The following COBLL1 variants were observed in gnomAD, a reference collection of about 807,000 sequenced individuals.
COBLL1 encodes the protein cordon-bleu WH2 repeat protein like 1, also known as cordon-bleu protein-like 1.
A neutral mutation model predicts 94.8 loss-of-function variants in COBLL1; 50 were observed. The ratio of observed to expected loss-of-function variants is 0.53; its 90% CI spans 0.42 to 0.67. COBLL1 has a LOEUF of 0.67. Among genes scored for constraint, COBLL1 ranks in the 30% least tolerant of loss-of-function variants. COBLL1 has a pLI of 0.00. For missense variants in COBLL1, 1,362 were observed against 1,348.7 expected, an observed-to-expected ratio of 1.01 and a Z score of -0.15; for synonymous variants, 448 against 473.8, an observed-to-expected ratio of 0.95 and a Z score of 0.71.
chr2:164,815,849 A>G (rs748871911), intron 2 of COBLL1, among the ~76,000 whole-genome samples: 4 of 151,898 alleles, frequency 2.6e-5, no homozygotes, highest in South Asian at 2.1e-4. Flanking sequence ...GTTAGAAAAA[A>G]CACACAACTA....
chr2:164,806,551 A>G (rs1027647968), intron 2 of COBLL1, among the ~76,000 whole-genome samples: 1 of 152,136 alleles, frequency 6.6e-6, no homozygotes, highest in Non-Finnish European at 1.5e-5. Flanking sequence ...AACTATAAAG[A>G]GTGTGTAATG....
At chr2:164,755,604 G>C (rs1687359028) in intron 2 of COBLL1, among the ~76,000 whole-genome samples, 1 of 152,144 alleles carries the variant, frequency 6.6e-6, no homozygotes, top group African/African-American at 2.4e-5. Context: ...GTTAGCATGA[G>C]TAGATGAAGC....
intron 2 of COBLL1, among the ~76,000 whole-genome samples, chr2:164,768,659 T>C (rs1688054551): frequency 6.6e-6 from 1 of 152,172 alleles, no homozygotes; most frequent in African/African-American, 2.4e-5. Flanking sequence ...TCCTATCATA[T>C]ATCCCTTAGT....
In COBLL1 at chr2:164,749,770, C is replaced by A. The variant is rs529901943; in HGVS notation, c.42-5895G>T. ...ATAATGAAAATCGACAAGGAGAAACCCAAAACATTATATGACTCTCATATT... is the reference window on the plus strand; with the variant it reads ...ATAATGAAAATCGACAAGGAGAAACACAAAACATTATATGACTCTCATATT... On this transcript the variant is annotated intron_variant, in intron 2 of 13. Transcript: ENST00000652658. 1.8e-4 allele frequency among the ~76,000 whole-genome samples: 28 copies of A among 152,186 alleles called. No homozygotes were observed. The South Asian group carries it at 1.9e-3, about 10-fold the overall frequency.
At chr2:164,711,785 A>C (rs188459088) in intron 7 of COBLL1, among the ~76,000 whole-genome samples, 18 of 152,314 alleles carry the variant, frequency 1.2e-4, no homozygotes, top group African/African-American at 4.3e-4. Context: ...AAAATTTATT[A>C]AGTCTAAAGG....
intron 2 of COBLL1, among the ~76,000 whole-genome samples, chr2:164,762,275 AAGTG>A (rs1355259238): frequency 2.6e-5 from 4 of 152,292 alleles, no homozygotes; most frequent in Admixed American, 6.5e-5. Flanking sequence ...GCTAGAAAAA[AAGTG>A]AGTATCACTG....
At chr2:164,714,131 CTT>C (rs1685044930) in intron 7 of COBLL1, among the ~76,000 whole-genome samples, 2 of 147,524 alleles carry the variant, frequency 1.4e-5, no homozygotes, top group Non-Finnish European at 3.0e-5. Flanking sequence ...CTTTCCAGCC[CTT>C]GTCTAGGCAC....
intron 2 of COBLL1, among the ~76,000 whole-genome samples, chr2:164,830,085 T>A (rs3769921): frequency 0.21 from 32,385 of 152,146 alleles, 3,574 homozygotes; most frequent in Middle Eastern, 0.28. Flanking sequence ...TTCCTCAGTA[T>A]AAGTAGTAGT....
intron 2 of COBLL1, chr2:164,840,955 C>T (rs1683569533): frequency 4.9e-5 from 24 of 487,050 alleles, no homozygotes. Flanking sequence ...GGAAGGCAAC[C>T]AAAAACGACC....
chr2:164,663,935 TA>T (rs1227569886), intron 2 of COBLL1, among the ~76,000 whole-genome samples: 2 of 152,194 alleles, frequency 1.3e-5, no homozygotes, highest in African/African-American at 2.4e-5. Flanking sequence ...CCCTCTGATC[TA>T]AAATAAAATT....
At chr2:164,741,746 G>A (rs2105555408) in intron 3 of COBLL1, among the ~76,000 whole-genome samples, 1 of 152,096 alleles carries the variant, frequency 6.6e-6, no homozygotes, top group South Asian at 2.1e-4. Flanking sequence ...AGGGAGGGTG[G>A]GAAAAATCTA....
chr2:164,792,670 C>G (rs530857214), intron 2 of COBLL1, among the ~76,000 whole-genome samples: 45 of 152,274 alleles, frequency 3.0e-4, no homozygotes, highest in African/African-American at 1.1e-3. Flanking sequence ...ACGTAACGCA[C>G]AGTAAGCATT....
chr2:164,729,510 C>T (rs890851646), intron 4 of COBLL1, among the ~76,000 whole-genome samples: 1 of 150,640 alleles, frequency 6.6e-6, no homozygotes, highest in African/African-American at 2.4e-5. Flanking sequence ...GAAAAAAAAA[C>T]AAAAACACAC....
At chr2:164,700,045 A>G (rs936974057) in intron 10 of COBLL1, among the ~76,000 whole-genome samples, 1 of 152,094 alleles carries the variant, frequency 6.6e-6, no homozygotes, top group Non-Finnish European at 1.5e-5. Flanking sequence ...ACTAGACTAT[A>G]GCTGTCTGTT....
chr2:164,721,987 T>G (rs1383286757), intron 7 of COBLL1, 88 bp downstream of exon 7: 1 of 966,518 alleles, frequency 1.0e-6, no homozygotes, highest in African/African-American at 1.6e-5. Context: ...TTCTTACTAG[T>G]CTACCTAGAA....
upstream of COBLL1, chr2:164,842,037 G>A (rs2279982): frequency 0.19 from 290,614 of 1,533,930 alleles, 28,515 homozygotes; most frequent in Middle Eastern, 0.25. Context: ...GGACCAGCTC[G>A]GCGGCATTGG....
At chr2:164,803,590 A>T (rs1234473045) in intron 2 of COBLL1, among the ~76,000 whole-genome samples, 1 of 151,470 alleles carries the variant, frequency 6.6e-6, no homozygotes, top group Non-Finnish European at 1.5e-5. Flanking sequence ...AATAAATAAA[A>T]TAAAATAAAA....
chr2:164,756,206 C>G (rs16849699), intron 2 of COBLL1, among the ~76,000 whole-genome samples: 1 of 151,986 alleles, frequency 6.6e-6, no homozygotes, highest in Non-Finnish European at 1.5e-5. Context: ...GTAACTTTTC[C>G]TGAAGCAACT....
At chr2:164,713,281 A>G (rs909931108) in intron 7 of COBLL1, among the ~76,000 whole-genome samples, 5 of 152,160 alleles carry the variant, frequency 3.3e-5, no homozygotes, top group African/African-American at 1.2e-4. Flanking sequence ...GTGAAGGGGT[A>G]TAAGGAATAG....
Sources: gnomAD v4.1 joint callset for allele counts (sites outside exome capture counted in the v4.1 genomes callset) on GRCh38, gnomAD v4.1.1 for gene constraint, MANE v1.5 for transcripts, NCBI Gene and HGNC (gene_info 2026-07-23, HGNC 2026-07-21) for gene names.